The following FMN1 variants were observed in gnomAD, a reference collection of about 807,000 sequenced individuals.
FMN1 encodes the protein formin-1.
In FMN1, 110 loss-of-function variants were observed where a neutral mutation model predicts 132.4. That is an observed-to-expected ratio of 0.83 (90% CI 0.71 to 0.97). The LOEUF is 0.97. FMN1 is among the 50% of genes least tolerant of loss of function. The pLI, the probability that FMN1 is intolerant of heterozygous loss-of-function variation, is 0.00. For synonymous variants in FMN1, 722 were observed against 651.7 expected (o/e 1.11, Z -1.64); for missense variants, 1,792 against 1,705.3 (o/e 1.05, Z -0.90).
At chr15:33,032,168 T>C (rs539187343) in intron 6 of FMN1, among the ~76,000 whole-genome samples, 1 of 152,314 alleles carries the variant, frequency 6.6e-6, no homozygotes, top group South Asian at 2.1e-4. Flanking sequence ...GTAGGACACT[T>C]AGGGTCATTA....
At chr15:32,926,387 A>G in intron 9 of FMN1, 126 bp from the exon 10 acceptor site, 1 of 536,578 alleles carries the variant, frequency 1.9e-6, no homozygotes, top group Non-Finnish European at 3.2e-6. Flanking sequence ...TGCTGCATGC[A>G]CTCTTTAAAT....
intron 5 of FMN1, among the ~76,000 whole-genome samples, chr15:33,068,575 G>A (rs750584039): frequency 2.0e-5 from 3 of 151,984 alleles, no homozygotes; most frequent in Non-Finnish European, 2.9e-5. Flanking sequence ...GAAAGCAATA[G>A]ATCATCTCAA....
intron 4 of FMN1, among the ~76,000 whole-genome samples, chr15:33,125,597 C>T (rs1272852850): frequency 6.6e-6 from 1 of 151,914 alleles, no homozygotes; most frequent in Non-Finnish European, 1.5e-5. Context: ...CCCAGCACTT[C>T]GGAAGGCCAA....
chr15:32,872,337 A>G (rs1340582949), intron 16 of FMN1, among the ~76,000 whole-genome samples: 3 of 152,240 alleles, frequency 2.0e-5, no homozygotes, highest in African/African-American at 2.4e-5. Context: ...TAGTACTTCA[A>G]GAAGCATACA....
intron 4 of FMN1, among the ~76,000 whole-genome samples, chr15:33,139,267 T>C (rs1288304707): frequency 2.6e-5 from 4 of 152,194 alleles, no homozygotes; most frequent in Non-Finnish European, 1.5e-5. Flanking sequence ...AATTGCTTAT[T>C]GAGGAAGTTT....
intron 7 of FMN1, among the ~76,000 whole-genome samples, chr15:32,988,037 C>A (rs1220917859): frequency 1.4e-5 from 2 of 147,046 alleles, no homozygotes; most frequent in Non-Finnish European, 3.0e-5. Flanking sequence ...CAGCTGGCAG[C>A]CTGTCTCTCC....
At chr15:32,926,001 G>C (rs1054923068) in intron 10 of FMN1, among the ~76,000 whole-genome samples, 173 bp downstream of exon 10, 2 of 152,194 alleles carry the variant, frequency 1.3e-5, no homozygotes, top group Admixed American at 1.3e-4. Flanking sequence ...CCTACTTGGT[G>C]AGAGGGGGGC....
chr15:33,121,235 A>G (rs1208765107), intron 4 of FMN1, among the ~76,000 whole-genome samples: 2 of 152,230 alleles, frequency 1.3e-5, no homozygotes, highest in African/African-American at 4.8e-5. Flanking sequence ...CTTGAAACAA[A>G]AAGTATTCTG....
intron 7 of FMN1, among the ~76,000 whole-genome samples, chr15:32,995,591 C>T (rs1596425636): frequency 6.6e-6 from 1 of 152,252 alleles, no homozygotes; most frequent in East Asian, 1.9e-4. Flanking sequence ...CTGTTATTAT[C>T]ATCATTATTA....
At chr15:32,920,968 G>A (rs780274634) in intron 10 of FMN1, among the ~76,000 whole-genome samples, 3 of 152,130 alleles carry the variant, frequency 2.0e-5, no homozygotes, top group Non-Finnish European at 4.4e-5. Flanking sequence ...TCATTCAACA[G>A]GCACTTCATG....
chr15:33,154,972 G>T lies in FMN1; in HGVS notation c.-58C>A. On this transcript the variant is annotated 5_prime_UTR_variant, in exon 4 of 21. Coordinates refer to ENST00000616417, the MANE Select transcript of FMN1 (RefSeq NM_001277313.2). ...GCCGGTTTGTGGTCAGGCTTCCCAG[G>T]CTCCAGTGGTGAGGCATGTGATGGT... The T allele has an allele frequency of 7.1e-7, 1 of 1,407,240 alleles. No individual in the cohort carries two copies. Among genetic ancestry groups the T allele is most frequent in the Non-Finnish European group, 9.5e-7 (1 of 1,057,304 alleles). 87.2% of individuals were successfully genotyped at this position (1,407,240 alleles called of 1,614,324 possible). A position where few individuals can be genotyped will look rare whatever the true frequency, so the allele number is the denominator to read the frequency against.
intron 2 of FMN1, among the ~76,000 whole-genome samples, chr15:33,186,292 C>G (rs1157149802): frequency 6.6e-6 from 1 of 152,062 alleles, no homozygotes; most frequent in Non-Finnish European, 1.5e-5. Flanking sequence ...CCTTTCCTGC[C>G]CAATGGCCCT....
intron 16 of FMN1, among the ~76,000 whole-genome samples, chr15:32,865,922 A>G (rs2059382215): frequency 6.6e-6 from 1 of 152,114 alleles, no homozygotes; most frequent in South Asian, 2.1e-4. Context: ...AAGCATTTAA[A>G]TTAAAAGTGC....
At chr15:32,951,148 T>A (rs930549904) in intron 9 of FMN1, among the ~76,000 whole-genome samples, 1 of 152,162 alleles carries the variant, frequency 6.6e-6, no homozygotes, top group Non-Finnish European at 1.5e-5. Context: ...CCAAAATCGG[T>A]CATTCTACAT....
chr15:32,951,204 A>C (rs570016644), intron 9 of FMN1, among the ~76,000 whole-genome samples: 2 of 152,344 alleles, frequency 1.3e-5, no homozygotes, highest in South Asian at 4.1e-4. Flanking sequence ...AGATTTAAAA[A>C]GGTGATATTA....
At position 32,766,432 on chromosome 15, in the gene FMN1, TAGCTGGTGAC is replaced by T. The variant is rs1006092953; in HGVS notation, c.*7868_*7877del. 1 of 152,122 alleles carries T rather than the reference TAGCTGGTGAC, an allele frequency of 6.6e-6. No homozygotes were observed. The highest frequency in any genetic ancestry group is 1.5e-5 in the Non-Finnish European group (1 of 68,022). 9.4% of individuals were successfully genotyped at this position (152,122 alleles called of 1,614,324 possible). On this transcript the variant is annotated 3_prime_UTR_variant, in exon 21 of 21. Coordinates refer to ENST00000616417, the MANE Select transcript of FMN1 (RefSeq NM_001277313.2). ...TTCAAAAATCTGGCGTTCTGCATCA[TAGCTGGTGAC>T]CCGGTCTGATGTACAAATTTATCAA... is the stretch of plus-strand genomic sequence containing the variant.
chr15:33,139,174 C>T (rs11629580), intron 4 of FMN1, among the ~76,000 whole-genome samples: 67,631 of 152,124 alleles, frequency 0.44, 16,320 homozygotes, highest in South Asian at 0.55. Flanking sequence ...CTAATAATTA[C>T]ATTGCACTGA....
rs138003006 is a variant in FMN1, at chr15:33,006,002, G to T, written c.2223+2012C>A. ...CCTAACTATTTAAACTCTGCTGGAT[G>T]GGTAGGGCTTGAATTCATACACCAT... On this transcript the variant is annotated intron_variant, in intron 7 of 20. Transcript: ENST00000616417. Among the ~76,000 whole-genome samples, 682 of 152,210 alleles carry T rather than the reference G, an allele frequency of 4.5e-3. 5 individuals carry two copies. The highest frequency in any genetic ancestry group is 3.5e-3 in the Non-Finnish European group (236 of 68,002).
intron 15 of FMN1, among the ~76,000 whole-genome samples, chr15:32,896,911 CTT>C (rs1327297239): frequency 6.6e-6 from 1 of 152,082 alleles, no homozygotes; most frequent in Non-Finnish European, 1.5e-5. Flanking sequence ...GGTTTCAATT[CTT>C]TTGGATAAAT....
Sources: allele counts gnomAD v4.1 joint callset (sites outside exome capture counted in the v4.1 genomes callset), GRCh38; gene constraint gnomAD v4.1.1; transcripts MANE v1.5; gene names NCBI Gene and HGNC (gene_info 2026-07-23, HGNC 2026-07-21).